The following CCSER1 variants were observed in gnomAD, a reference collection of about 807,000 sequenced individuals.
CCSER1 encodes the protein serine-rich coiled-coil domain-containing protein 1.
Under a neutral mutation model 82.0 loss-of-function variants are expected in CCSER1, and 41 were observed. The observed-to-expected ratio is 0.50, with a 90% CI of 0.39 to 0.65. The LOEUF (loss-of-function observed/expected upper bound fraction) is 0.65. Ranked by LOEUF, CCSER1 falls within the 30% of genes least tolerant of loss-of-function variation. CCSER1 has a pLI of 0.00. For missense variants in CCSER1, 1,119 were observed against 1,064.2 expected, an observed-to-expected ratio of 1.05 and a Z score of -0.72; for synonymous variants, 414 against 383.9, an observed-to-expected ratio of 1.08 and a Z score of -0.92.
chr4:90,408,719 G>C (rs1443385715), intron 4 of CCSER1, among the ~76,000 whole-genome samples: 6 of 152,174 alleles, frequency 3.9e-5, no homozygotes, highest in South Asian at 4.1e-4. Flanking sequence ...CTAAAAATCA[G>C]AGCACCTCTC....
intron 1 of CCSER1, among the ~76,000 whole-genome samples, chr4:90,167,477 A>G (rs1473111513): frequency 6.6e-6 from 1 of 151,974 alleles, no homozygotes; most frequent in Non-Finnish European, 1.5e-5. Context: ...TTGTTTTATT[A>G]TTATTTTTTA....
chr4:90,841,055 C>A (rs1762507070), intron 8 of CCSER1, among the ~76,000 whole-genome samples: 1 of 152,142 alleles, frequency 6.6e-6, no homozygotes, highest in African/African-American at 2.4e-5. Context: ...TCTAGAGATA[C>A]TGAGTCAGCA....
intron 8 of CCSER1, among the ~76,000 whole-genome samples, chr4:90,824,407 G>C (rs956977959): frequency 6.6e-6 from 1 of 152,052 alleles, no homozygotes; most frequent in African/African-American, 2.4e-5. Flanking sequence ...TTGAAAAACT[G>C]AAAGTGTATC....
intron 10 of CCSER1, among the ~76,000 whole-genome samples, chr4:91,575,941 G>A (rs1348430005): frequency 1.3e-5 from 2 of 151,968 alleles, no homozygotes; most frequent in Non-Finnish European, 2.9e-5. Context: ...AAAACTGTAC[G>A]AAGCTTCTTC....
intron 10 of CCSER1, among the ~76,000 whole-genome samples, chr4:91,157,088 A>G (rs1294965917): frequency 6.6e-6 from 1 of 151,966 alleles, no homozygotes; most frequent in Non-Finnish European, 1.5e-5. Flanking sequence ...TTGTGCAGTT[A>G]ACCTAACACT....
intron 1 of CCSER1, among the ~76,000 whole-genome samples, chr4:90,190,330 T>A (rs1230485627): frequency 6.6e-6 from 1 of 152,120 alleles, no homozygotes; most frequent in Non-Finnish European, 1.5e-5. Context: ...TACAGAAAGC[T>A]CAAAGAATTG....
At chr4:90,349,443 A>G (rs1272404824) in intron 3 of CCSER1, among the ~76,000 whole-genome samples, 3 of 152,128 alleles carry the variant, frequency 2.0e-5, no homozygotes, top group African/African-American at 4.8e-5. Flanking sequence ...GTGGTGGCAT[A>G]CAATTCTAGA....
chr4:91,304,712 C>A (rs1264868253), intron 10 of CCSER1, among the ~76,000 whole-genome samples: 1 of 152,014 alleles, frequency 6.6e-6, no homozygotes, highest in Non-Finnish European at 1.5e-5. Context: ...CTTGGACACA[C>A]TGTTAACACT....
At position 90,771,949 on chromosome 4, in the gene CCSER1, T is replaced by G. The variant is rs17244954; in HGVS notation, c.2011-43813T>G. Among the ~76,000 whole-genome samples, 1,336 of 152,232 alleles carry G rather than the reference T, an allele frequency of 8.8e-3. 15 individuals are homozygous for G. Among genetic ancestry groups the G allele is most frequent in the Non-Finnish European group, 0.011 (721 of 67,972 alleles). ...GTATAAATTTTGTCTATATGGATAC[T>G]CGAGTTTTGATCTTTGTTTAAATCC... is the stretch of plus-strand genomic sequence containing the variant. On this transcript the variant is annotated intron_variant, in intron 7 of 10. Transcript: ENST00000509176.
intron 10 of CCSER1, among the ~76,000 whole-genome samples, chr4:91,177,769 C>A (rs1733556016): frequency 6.6e-6 from 1 of 152,110 alleles, no homozygotes; most frequent in African/African-American, 2.4e-5. Flanking sequence ...AAAACAATCT[C>A]CTGGATTCAT....
At chr4:90,766,004 A>C (rs1274696575) in intron 7 of CCSER1, among the ~76,000 whole-genome samples, 1 of 152,084 alleles carries the variant, frequency 6.6e-6, no homozygotes, top group Non-Finnish European at 1.5e-5. Flanking sequence ...GTTGACACCA[A>C]AGAGGTTAGC....
intron 10 of CCSER1, among the ~76,000 whole-genome samples, chr4:91,314,896 G>GC (rs970797149): frequency 1.4e-4 from 22 of 151,878 alleles, no homozygotes; most frequent in Non-Finnish European, 4.4e-5. Context: ...TCAAATACAA[G>GC]TAAGTAATTT....
intron 10 of CCSER1, among the ~76,000 whole-genome samples, chr4:91,518,627 G>A (rs936766600): frequency 6.6e-6 from 1 of 152,134 alleles, no homozygotes; most frequent in African/African-American, 2.4e-5. Context: ...GGCATCAAGG[G>A]CTCACATGGA....
At chr4:90,864,550 C>T (rs1765503372) in intron 8 of CCSER1, among the ~76,000 whole-genome samples, 1 of 151,890 alleles carries the variant, frequency 6.6e-6, no homozygotes, top group Admixed American at 6.6e-5. Context: ...TAAGGTGTGG[C>T]CCCCCAATCT....
At chr4:91,042,193 G>GT (rs1346605474) in intron 9 of CCSER1, among the ~76,000 whole-genome samples, 1 of 152,122 alleles carries the variant, frequency 6.6e-6, no homozygotes, top group African/African-American at 2.4e-5. Flanking sequence ...CATTGGTGTG[G>GT]TTTTCCCCAT....
intron 1 of CCSER1, among the ~76,000 whole-genome samples, chr4:90,169,194 C>T (rs1371078097): frequency 1.3e-5 from 2 of 151,988 alleles, no homozygotes; most frequent in African/African-American, 2.4e-5. Flanking sequence ...TCCTTCACAT[C>T]CCTTGTAAGT....
At chr4:91,487,119 T>A (rs1758263840) in intron 10 of CCSER1, among the ~76,000 whole-genome samples, 1 of 152,062 alleles carries the variant, frequency 6.6e-6, no homozygotes, top group African/African-American at 2.4e-5. Flanking sequence ...ACAAAATAAA[T>A]ACAGGATATA....
intron 1 of CCSER1, among the ~76,000 whole-genome samples, chr4:90,231,278 TC>T (rs1444470816): frequency 6.6e-6 from 1 of 152,006 alleles, no homozygotes; most frequent in Non-Finnish European, 1.5e-5. Flanking sequence ...TCCACCATGA[TC>T]AAGTGGGTTC....
chr4:90,411,433 A>T (rs114916801), intron 4 of CCSER1, among the ~76,000 whole-genome samples: 1 of 152,212 alleles, frequency 6.6e-6, no homozygotes. Flanking sequence ...CCACGATCAC[A>T]TGGGCTTCAT....
Sources: allele counts gnomAD v4.1 joint callset (sites outside exome capture counted in the v4.1 genomes callset), GRCh38; gene constraint gnomAD v4.1.1; transcripts MANE v1.5; gene names NCBI Gene and HGNC (gene_info 2026-07-23, HGNC 2026-07-21).